The following ZNF620 variants were observed in gnomAD, a reference collection of about 807,000 sequenced individuals.
ZNF620 encodes the protein zinc finger protein 620.
Under a neutral mutation model 13.3 loss-of-function variants are expected in ZNF620, and 10 were observed. The observed-to-expected ratio is 0.75, with a 90% CI of 0.46 to 1.28. ZNF620 has a LOEUF of 1.28. Among genes scored for constraint, ZNF620 ranks in the 50% most tolerant of loss-of-function variants. The probability of loss-of-function intolerance (pLI) is 0.00; values close to 1 mark genes in which losing one functional copy is unlikely to be tolerated. For synonymous variants in ZNF620, 166 were observed against 177.6 expected (o/e 0.93, Z 0.52); for missense variants, 461 against 500.2 (o/e 0.92, Z 0.75).
chr3:40,508,964 T>A (rs987744475), intron 2 of ZNF620, among the ~76,000 whole-genome samples: 2 of 152,120 alleles, frequency 1.3e-5, no homozygotes, highest in African/African-American at 4.8e-5. Context: ...CTTTTTCTAT[T>A]CTTTTGCTTT....
chr3:40,512,693 CTT>C (rs775279025), intron 4 of ZNF620, among the ~76,000 whole-genome samples, 178 bp downstream of exon 4: 3 of 152,336 alleles, frequency 2.0e-5, no homozygotes, highest in Non-Finnish European at 2.9e-5. Flanking sequence ...GGGCCAGTCT[CTT>C]TTAAGACAGG....
Position 40,506,464 on chromosome 3 carries a change from A to G in ZNF620, c.24+88A>G, listed in dbSNP as rs900678133. On this transcript the variant is annotated intron_variant, in intron 2 of 4. Coordinates refer to ENST00000314529, the MANE Select transcript of ZNF620 (RefSeq NM_175888.4). ...TCTGCATTCAGATCTTGAGTTGTGT[A>G]GGCCAGTGGCTTCCATTGTGCATCT... 3 of 1,237,188 alleles carry G rather than the reference A, an allele frequency of 2.4e-6. No homozygotes were observed. In the African/African-American group the frequency reaches 4.8e-5, roughly 20 times the overall value. The allele number at this position is 1,237,188 out of a possible 1,614,324, so 76.6% of individuals were successfully genotyped here. A position where few individuals can be genotyped will look rare whatever the true frequency, so the allele number is the denominator to read the frequency against.
rs1175041700 is a variant in ZNF620, at chr3:40,517,122, G to A, written c.*259G>A. ...GGACATGCTGGGTGCCCAGCAGGAT[G>A]GATTCAAGGGAAACCTACATTAAGG... is the stretch of plus-strand genomic sequence containing the variant. On this transcript the variant is annotated 3_prime_UTR_variant, in exon 5 of 5. Transcript: ENST00000314529. 1 of 309,354 alleles carries A rather than the reference G, an allele frequency of 3.2e-6. No individual in the cohort carries two copies. Among genetic ancestry groups the A allele is most frequent in the Non-Finnish European group, 5.9e-6 (1 of 169,672 alleles). The allele number at this position is 309,354 out of a possible 1,614,324, so 19.2% of individuals were successfully genotyped here. A position where few individuals can be genotyped will look rare whatever the true frequency, so the allele number is the denominator to read the frequency against.
intron 4 of ZNF620, among the ~76,000 whole-genome samples, chr3:40,513,960 G>A (rs1202318993): frequency 3.3e-5 from 5 of 152,120 alleles, no homozygotes; most frequent in African/African-American, 1.2e-4. Flanking sequence ...GTGCCTGGGA[G>A]GGCACCCCTT....
chr3:40,507,699 A>AT (rs1575285889), intron 2 of ZNF620, among the ~76,000 whole-genome samples: 1 of 152,306 alleles, frequency 6.6e-6, no homozygotes, highest in East Asian at 1.9e-4. Context: ...TCAACAGTGA[A>AT]GCTATCTAGG....
Position 40,516,977 on chromosome 3 carries a change from CTTCT to C in ZNF620, c.*117_*120del, listed in dbSNP as rs1306474206. The C allele has an allele frequency of 1.6e-6, 2 of 1,235,646 alleles. No individual in the cohort carries two copies. Among genetic ancestry groups the C allele is most frequent in the Non-Finnish European group, 1.1e-6 (1 of 907,158 alleles). 76.5% of individuals were successfully genotyped at this position (1,235,646 alleles called of 1,614,324 possible). On this transcript the variant is annotated 3_prime_UTR_variant, in exon 5 of 5. Transcript: ENST00000314529. ...AGACACTTGGCTTTCATCATGAACT[CTTCT>C]TTAAGTTTTTTGAACCTGTTTCCCC...
rs1221301316 is a variant in ZNF620, at chr3:40,506,150, GT to G, written c.-50+16del. On this transcript the variant is annotated intron_variant, in intron 1 of 4. Transcript: ENST00000314529. ...GGTTCGCGGTCCGGGTAACTGATTG[GT>G]TTTCCTGGGGCTTGTTCTGCCTGGT... 6.2e-5 allele frequency: 41 copies of G among 665,082 alleles called. 2 individuals are homozygous for G. Among genetic ancestry groups the G allele is most frequent in the South Asian group, 4.3e-4 (25 of 58,202 alleles). The allele number at this position is 665,082 out of a possible 1,614,324, so 41.2% of individuals were successfully genotyped here. A position where few individuals can be genotyped will look rare whatever the true frequency, so the allele number is the denominator to read the frequency against.
chr3:40,509,845 A>G (rs1445876242), intron 2 of ZNF620, among the ~76,000 whole-genome samples: 1 of 152,184 alleles, frequency 6.6e-6, no homozygotes, highest in Non-Finnish European at 1.5e-5. Flanking sequence ...TCCTCAGGGT[A>G]GTAGCTTAGG....
chr3:40,513,316 A>AAAT (rs1193351404), intron 4 of ZNF620, among the ~76,000 whole-genome samples: 45 of 62,652 alleles, frequency 7.2e-4, no homozygotes, highest in East Asian at 2.1e-3. Context: ...AAAAAAAAAA[A>AAAT]ATATATATAT....
At chr3:40,512,801 C>T (rs1277051290) in intron 4 of ZNF620, among the ~76,000 whole-genome samples, 1 of 152,164 alleles carries the variant, frequency 6.6e-6, no homozygotes, top group Non-Finnish European at 1.5e-5. Flanking sequence ...TAAACCAGCT[C>T]ATTTCTTCTC....
chr3:40,512,271 A>G (rs1427572047), intron 3 of ZNF620, 131 bp from the exon 4 acceptor site: 4 of 761,762 alleles, frequency 5.3e-6, no homozygotes, highest in Non-Finnish European at 6.9e-6. Flanking sequence ...CTCCAGCAGC[A>G]TAGATTAAGT....
chr3:40,514,524 TGAG>T (rs1698312675), intron 4 of ZNF620, among the ~76,000 whole-genome samples: 3 of 152,174 alleles, frequency 2.0e-5, no homozygotes, highest in South Asian at 2.1e-4. Context: ...TCTCTGCACA[TGAG>T]GAGAAAAACC....
chr3:40,512,409 A>C lies in ZNF620; in HGVS notation c.159A>C (p.Pro53=). ...NYANVASLAF[P]FTTPVLVSQL... Reference sequence around the variant, plus strand: ...TTCTTTCTCCCTGGGCAGCATTCCCATTCACCACGCCTGTTCTGGTCTCCC... The same window carrying C: ...TTCTTTCTCCCTGGGCAGCATTCCCCTTCACCACGCCTGTTCTGGTCTCCC... The change falls in exon 4 of 5, where the codon CCA becomes CCC. Residue 53 remains proline (P), a synonymous_variant. Transcript: ENST00000314529. 1 of 1,614,096 alleles carries C rather than the reference A, an allele frequency of 6.2e-7. No homozygotes were observed. Among genetic ancestry groups the C allele is most frequent in the Non-Finnish European group, 8.5e-7 (1 of 1,179,992 alleles).
At chr3:40,513,161 A>G (rs1015410320) in intron 4 of ZNF620, among the ~76,000 whole-genome samples, 1 of 151,626 alleles carries the variant, frequency 6.6e-6, no homozygotes, top group Admixed American at 6.6e-5. Context: ...TTCGATGGCT[A>G]TTGATATAAG....
intron 2 of ZNF620, among the ~76,000 whole-genome samples, chr3:40,510,787 C>T (rs1698169840): frequency 6.6e-6 from 1 of 152,098 alleles, no homozygotes; most frequent in Admixed American, 6.6e-5. Context: ...CTCACTCTGT[C>T]ACCCAGGCTG....
chr3:40,513,316 AATATATATATATATATATATAT>A (rs71618944), intron 4 of ZNF620, among the ~76,000 whole-genome samples: 1 of 62,684 alleles, frequency 1.6e-5, no homozygotes, highest in Non-Finnish European at 2.7e-5. Flanking sequence ...AAAAAAAAAA[AATATATATATATATATATATAT>A]ATATATATAT....
At chr3:40,508,202 T>G (rs1698089092) in intron 2 of ZNF620, among the ~76,000 whole-genome samples, 2 of 152,306 alleles carry the variant, frequency 1.3e-5, no homozygotes, top group South Asian at 4.1e-4. Flanking sequence ...CACTTTGATC[T>G]TTAATGTCTT....
chr3:40,512,066 G>A (rs895135769), intron 3 of ZNF620, among the ~76,000 whole-genome samples: 1 of 152,174 alleles, frequency 6.6e-6, no homozygotes, highest in Non-Finnish European at 1.5e-5. Context: ...AGAGCCCTGC[G>A]TTCCCAGGTT....
Position 40,517,337 on chromosome 3 carries a change from T to TC in ZNF620, c.*475dup, listed in dbSNP as rs1306328756. 1 of 150,990 alleles carries TC rather than the reference T, an allele frequency of 6.6e-6. No homozygotes were observed. The highest frequency in any genetic ancestry group is 6.6e-5 in the Admixed American group (1 of 15,152). The allele number at this position is 150,990 out of a possible 1,614,324, so 9.4% of individuals were successfully genotyped here. On this transcript the variant is annotated 3_prime_UTR_variant, in exon 5 of 5. Coordinates refer to ENST00000314529, the MANE Select transcript of ZNF620 (RefSeq NM_175888.4). ...GCGGGTGGATCATGAGGTCAGGAGTTCGAGACCAGCCCGCCCAATATGGTG... is the reference window on the plus strand; with the variant it reads ...GCGGGTGGATCATGAGGTCAGGAGTTCCGAGACCAGCCCGCCCAATATGGTG...
Sources: allele counts gnomAD v4.1 joint callset (sites outside exome capture counted in the v4.1 genomes callset), GRCh38; gene constraint gnomAD v4.1.1; transcripts MANE v1.5; gene names NCBI Gene and HGNC (gene_info 2026-07-23, HGNC 2026-07-21).